The following MTCH2 variants were observed in gnomAD, a reference collection of about 807,000 sequenced individuals.
MTCH2 encodes the protein mitochondrial carrier homolog 2.
Under a neutral mutation model 50.6 loss-of-function variants are expected in MTCH2, and 25 were observed. That is an observed-to-expected ratio of 0.49 (90% CI 0.36 to 0.69). The LOEUF is 0.69. Among genes scored for constraint, MTCH2 ranks in the 30% least tolerant of loss-of-function variants. MTCH2 has a pLI of 0.00. For missense variants in MTCH2, 273 were observed against 384.4 expected, an observed-to-expected ratio of 0.71 and a Z score of 2.42; for synonymous variants, 106 against 132.0, an observed-to-expected ratio of 0.80 and a Z score of 1.35.
At chr11:47,613,287 C>G (rs2097286596), downstream of MTCH2, among the ~76,000 whole-genome samples, 1 of 152,114 alleles carries the variant, frequency 6.6e-6, no homozygotes, top group Non-Finnish European at 1.5e-5. Flanking sequence ...GCACCCAGCA[C>G]TTGTGACTTC....
chr11:47,640,814 T>C lies in MTCH2; in HGVS notation c.87+1565A>G, dbSNP rs1228027537. Among the ~76,000 whole-genome samples, 3 of 152,172 alleles carry C rather than the reference T, an allele frequency of 2.0e-5. 1 individual carries two copies. Among genetic ancestry groups the C allele is most frequent in the Non-Finnish European group, 4.4e-5 (3 of 68,028 alleles). On this transcript the variant is annotated intron_variant, in intron 1 of 12. Coordinates refer to ENST00000302503, the MANE Select transcript of MTCH2 (RefSeq NM_014342.4). ...TGTTGTGAAATCAGAATTAAGAATA[T>C]TCAAAGTTTTTGGGGCAAGAGCTCT...
At chr11:47,622,913 T>G (rs1289399725) in intron 11 of MTCH2, 137 bp from the exon 12 acceptor site, 2 of 533,616 alleles carry the variant, frequency 3.7e-6, no homozygotes, top group Non-Finnish European at 6.5e-6. Flanking sequence ...ACAAATCATA[T>G]TGAAGCAGGG....
In MTCH2 at chr11:47,627,326, C is replaced by CT. The variant is rs562507250; in HGVS notation, c.634-200dup. Reference sequence around the variant, plus strand: ...CAAAATATTTTTTAAGAAATGGTGTCTTTTTTTTTTTGAGATAAGGGTCTC... The same window carrying CT: ...CAAAATATTTTTTAAGAAATGGTGTCTTTTTTTTTTTTGAGATAAGGGTCTC... On this transcript the variant is annotated intron_variant, in intron 9 of 12. Transcript: ENST00000302503. Among the ~76,000 whole-genome samples the CT allele has an allele frequency of 2.5e-3, 371 of 146,024 alleles. 1 individual carries two copies. Among genetic ancestry groups the CT allele is most frequent in the Middle Eastern group, 0.014 (4 of 286 alleles).
chr11:47,625,813 G>GGAAAGGA, intron 10 of MTCH2, 72 bp from the exon 11 acceptor site: 1 of 1,237,050 alleles, frequency 8.1e-7, no homozygotes, highest in Non-Finnish European at 1.2e-6. Flanking sequence ...TTACCTTAAA[G>GGAAAGGA]GCCTAGTGCC....
At chr11:47,634,628 A>C in intron 5 of MTCH2, 44 bp downstream of exon 5, 1 of 1,455,466 alleles carries the variant, frequency 6.9e-7, no homozygotes, top group South Asian at 1.2e-5. Context: ...GCAACACCAC[A>C]GTTTGATCTG....
downstream of MTCH2, among the ~76,000 whole-genome samples, chr11:47,615,791 C>CCTGT (rs57074213): frequency 0.99 from 150,774 of 151,870 alleles, 74,851 homozygotes; most frequent in Middle Eastern, 1. Context: ...CGCCACCACG[C>CCTGT]CTAATTTTTG....
chr11:47,607,505 C>G, the MTCH2 span, among the ~76,000 whole-genome samples: 1 of 152,084 alleles, frequency 6.6e-6, no homozygotes, highest in Admixed American at 6.5e-5. Context: ...TGGGGCTGAC[C>G]CTGGACCTCT....
chr11:47,629,076 CA>C, intron 8 of MTCH2, 30 bp from the exon 9 acceptor site: 2 of 1,558,890 alleles, frequency 1.3e-6, no homozygotes, highest in East Asian at 2.3e-5. Context: ...AAATAAGAAC[CA>C]AAAAATGTGA....
chr11:47,625,793 C>T (rs2097297589), intron 10 of MTCH2, 52 bp from the exon 11 acceptor site: 2 of 1,470,336 alleles, frequency 1.4e-6, no homozygotes, highest in Admixed American at 3.5e-5. Context: ...AGTCTTTATT[C>T]TCCTTTCCTT....
chr11:47,619,004 G>T, intron 12 of MTCH2, 85 bp from the exon 13 acceptor site: 1 of 1,181,530 alleles, frequency 8.5e-7, no homozygotes, highest in Non-Finnish European at 1.3e-6. Flanking sequence ...GTCCAATTGG[G>T]AGACGTGACT....
At chr11:47,615,031 CTTTTTTTTTT>C (rs61122824), downstream of MTCH2, among the ~76,000 whole-genome samples, 2 of 44,910 alleles carry the variant, frequency 4.5e-5, no homozygotes, top group African/African-American at 1.0e-4. Flanking sequence ...CCCAGTGAGG[CTTTTTTTTTT>C]TTTTTTTTTT....
chr11:47,604,954 G>A, the MTCH2 span, among the ~76,000 whole-genome samples: 2 of 150,754 alleles, frequency 1.3e-5, no homozygotes, highest in African/African-American at 2.4e-5. Context: ...TTTTTGAGAC[G>A]GAGTCTTGCT....
At chr11:47,634,028 A>G (rs2097306186) in intron 5 of MTCH2, among the ~76,000 whole-genome samples, 2 of 152,130 alleles carry the variant, frequency 1.3e-5, no homozygotes, top group Admixed American at 1.3e-4. Flanking sequence ...ATGTCAAAAG[A>G]GCCTTTCTGC....
At chr11:47,635,775 A>C (rs1440515754) in intron 3 of MTCH2, among the ~76,000 whole-genome samples, 1 of 152,032 alleles carries the variant, frequency 6.6e-6, no homozygotes, top group East Asian at 1.9e-4. Flanking sequence ...ACTTGTTGCT[A>C]AGTTTAACAT....
chr11:47,635,407 T>C (rs1006791505), intron 4 of MTCH2, 138 bp downstream of exon 4: 2 of 906,594 alleles, frequency 2.2e-6, no homozygotes, highest in African/African-American at 3.3e-5. Flanking sequence ...CTGTCCAAAC[T>C]GGTGGCCACC....
intron 6 of MTCH2, 114 bp from the exon 7 acceptor site, chr11:47,631,201 G>T (rs912175772): frequency 3.8e-6 from 3 of 779,368 alleles, no homozygotes; most frequent in Non-Finnish European, 6.4e-6. Flanking sequence ...CTGAGGTCAG[G>T]AGTTCAAGAC....
At chr11:47,616,238 C>A (rs983288585), downstream of MTCH2, among the ~76,000 whole-genome samples, 1 of 151,968 alleles carries the variant, frequency 6.6e-6, no homozygotes, top group Middle Eastern at 3.2e-3. Context: ...ACCCCACACT[C>A]TTCTTAAGTC....
At chr11:47,638,206 C>G (rs571077336) in intron 3 of MTCH2, among the ~76,000 whole-genome samples, 1 of 135,852 alleles carries the variant, frequency 7.4e-6, no homozygotes, top group Non-Finnish European at 1.6e-5. Context: ...ATACACAAAC[C>G]TCTTTGGCTA....
intron 10 of MTCH2, among the ~76,000 whole-genome samples, chr11:47,626,042 C>T (rs1476524098): frequency 6.6e-6 from 1 of 151,968 alleles, no homozygotes; most frequent in Non-Finnish European, 1.5e-5. Context: ...TGGAGTTTCC[C>T]TCTTGTTGCC....
Sources: allele counts gnomAD v4.1 joint callset (sites outside exome capture counted in the v4.1 genomes callset), GRCh38; gene constraint gnomAD v4.1.1; transcripts MANE v1.5; gene names NCBI Gene and HGNC (gene_info 2026-07-23, HGNC 2026-07-21).